The following AFAP1 variants were observed in gnomAD, a reference collection of about 807,000 sequenced individuals.
AFAP1 encodes actin filament-associated protein 1.
A neutral mutation model predicts 93.9 loss-of-function variants in AFAP1; 75 were observed. The observed-to-expected ratio is 0.80, with a 90% CI of 0.66 to 0.97. The LOEUF (loss-of-function observed/expected upper bound fraction) is 0.97. Among genes scored for constraint, AFAP1 ranks in the 50% least tolerant of loss-of-function variants. The pLI, the probability that AFAP1 is intolerant of heterozygous loss-of-function variation, is 0.00. For missense variants in AFAP1, 1,201 were observed against 1,050.8 expected (o/e 1.14, Z -1.98); for synonymous variants, 517 against 430.7 (o/e 1.20, Z -2.48).
chr4:7,781,564 CAT>C lies in AFAP1; in HGVS notation c.1592_1593del (p.Tyr531Ter). The C allele has an allele frequency of 6.4e-7, 1 of 1,551,898 alleles. No individual in the cohort carries two copies. The highest frequency in any genetic ancestry group is 8.7e-7 in the Non-Finnish European group (1 of 1,147,014). Reference sequence around the variant, plus strand: ...AAGTTATCGTACAGGCCTGCGTTATCATAAAGCACCTCTTCTCCCAAGCCTCT... The same window carrying C: ...AAGTTATCGTACAGGCCTGCGTTATCAAAGCACCTCTTCTCCCAAGCCTCT... ...CSRGLGEEVLYDNAGLYDNLP... is the reference protein window; with the variant it reads ...CSRGLGEEVLXDNAGLYDNLP... On this transcript the variant is annotated frameshift_variant, in exon 13 of 18. Transcript: ENST00000420658. LOFTEE classifies it high-confidence loss of function.
At chr4:7,806,530 C>G (rs1254061268) in intron 9 of AFAP1, among the ~76,000 whole-genome samples, 1 of 152,216 alleles carries the variant, frequency 6.6e-6, no homozygotes, top group African/African-American at 2.4e-5. Flanking sequence ...CAGCTCGGCC[C>G]TTCATCTCCC....
At position 7,939,348 on chromosome 4, in the gene AFAP1, C is replaced by T. The variant is rs1191947628; in HGVS notation, c.-3+308G>A. 1.2e-5 allele frequency: 4 copies of T among 324,030 alleles called. No homozygotes were observed. The highest frequency in any genetic ancestry group is 2.5e-5 in the Non-Finnish European group (4 of 162,550). The allele number at this position is 324,030 out of a possible 1,614,324, so 20.1% of individuals were successfully genotyped here. On this transcript the variant is annotated intron_variant, in intron 1 of 17. Coordinates refer to ENST00000420658, the MANE Select transcript of AFAP1 (RefSeq NM_001134647.2). The surrounding 1 kb of genome is among the most constrained non-coding windows in gnomAD (Gnocchi z 5.6). ...TCTTCGCAGGGCCCCCTCTGACGCA[C>T]ACGGGGACCAGCCACGCCGCGGGGG... is the stretch of plus-strand genomic sequence containing the variant.
intron 1 of AFAP1, among the ~76,000 whole-genome samples, chr4:7,893,557 G>T (rs1426732457): frequency 1.4e-5 from 2 of 141,550 alleles, no homozygotes; most frequent in Non-Finnish European, 3.0e-5. Flanking sequence ...CTTCAGCCTG[G>T]GCGACAGAGT....
intron 8 of AFAP1, among the ~76,000 whole-genome samples, chr4:7,814,452 C>G (rs529400422): frequency 6.6e-6 from 1 of 152,156 alleles, no homozygotes; most frequent in Non-Finnish European, 1.5e-5. Flanking sequence ...CATATGTCCA[C>G]GCAAAAACCT....
At chr4:7,782,430 T>C (rs1577200419) in intron 12 of AFAP1, among the ~76,000 whole-genome samples, 1 of 152,194 alleles carries the variant, frequency 6.6e-6, no homozygotes, top group Non-Finnish European at 1.5e-5. Context: ...AGCAAAACCG[T>C]CTGTGAAAAG....
At chr4:7,917,960 C>A (rs1577358223) in intron 1 of AFAP1, among the ~76,000 whole-genome samples, 1 of 152,338 alleles carries the variant, frequency 6.6e-6, no homozygotes, top group East Asian at 1.9e-4. Context: ...AGCAAAGGAC[C>A]ACGGGATAGA....
At chr4:7,861,149 G>A (rs1715631640) in intron 3 of AFAP1, among the ~76,000 whole-genome samples, 1 of 152,202 alleles carries the variant, frequency 6.6e-6, no homozygotes, top group South Asian at 2.1e-4. Context: ...TTTCTGGTAA[G>A]AGGGATTAAA....
intron 5 of AFAP1, chr4:7,842,821 G>A: frequency 3.6e-6 from 1 of 277,334 alleles, no homozygotes; most frequent in East Asian, 7.9e-5. Context: ...AATCCATCTT[G>A]CAACTCCTGG....
At chr4:7,833,109 C>G (rs1434848906) in intron 6 of AFAP1, among the ~76,000 whole-genome samples, 1 of 152,122 alleles carries the variant, frequency 6.6e-6, no homozygotes, top group Non-Finnish European at 1.5e-5. Context: ...ACTTCATGAC[C>G]AAGAACACAA....
intron 6 of AFAP1, among the ~76,000 whole-genome samples, chr4:7,819,654 G>C (rs544288005): frequency 2.0e-5 from 3 of 152,334 alleles, no homozygotes; most frequent in African/African-American, 7.2e-5. Flanking sequence ...CCCTGCGGTG[G>C]ATGTGAAGAG....
intron 1 of AFAP1, among the ~76,000 whole-genome samples, chr4:7,896,362 G>A (rs183965741): frequency 1.4e-4 from 22 of 151,994 alleles, no homozygotes; most frequent in African/African-American, 3.1e-4. Flanking sequence ...CCGACATGAC[G>A]AACCTCCTAA....
At chr4:7,920,041 T>C (rs1385884703) in intron 1 of AFAP1, among the ~76,000 whole-genome samples, 2 of 152,242 alleles carry the variant, frequency 1.3e-5, no homozygotes, top group Admixed American at 6.5e-5. Context: ...TAGTCTATCA[T>C]TGATGGGCGT....
At chr4:7,771,717 C>G (rs1473831236) in intron 16 of AFAP1, among the ~76,000 whole-genome samples, 2 of 152,182 alleles carry the variant, frequency 1.3e-5, no homozygotes, top group African/African-American at 4.8e-5. Flanking sequence ...TCTTGAACAC[C>G]TGAAAGAACC....
At position 7,896,768 on chromosome 4, in the gene AFAP1, C is replaced by T. The variant is rs1480810370; in HGVS notation, c.-2-24688G>A. Among the ~76,000 whole-genome samples, 4 of 118,160 alleles carry T rather than the reference C, an allele frequency of 3.4e-5. No homozygotes were observed. In the East Asian group the frequency reaches 1.1e-3, roughly 33 times the overall value. 77.5% of individuals were successfully genotyped at this position (118,160 alleles called of 152,430 possible). ...CACACCCAATGCTCAGTCCTCATTC[C>T]CCCCCACACCCAGGGCTCAGTCCTC... On this transcript the variant is annotated intron_variant, in intron 1 of 17. Transcript: ENST00000420658.
intron 1 of AFAP1, among the ~76,000 whole-genome samples, chr4:7,892,912 G>T (rs1048794783): frequency 2.6e-5 from 4 of 152,158 alleles, no homozygotes; most frequent in Non-Finnish European, 5.9e-5. Context: ...ATGGCAGAGG[G>T]CAGACGGAGA....
At chr4:7,922,415 T>C (rs186609937) in intron 1 of AFAP1, among the ~76,000 whole-genome samples, 88 of 152,282 alleles carry the variant, frequency 5.8e-4, no homozygotes, top group African/African-American at 2.0e-3. Context: ...AGTGAGTATT[T>C]CAAGTCTTGA....
At chr4:7,892,585 A>C (rs548132601) in intron 1 of AFAP1, among the ~76,000 whole-genome samples, 2 of 152,248 alleles carry the variant, frequency 1.3e-5, no homozygotes, top group Admixed American at 1.3e-4. Context: ...TTGCACTTGA[A>C]CTTGATTATA....
intron 17 of AFAP1, 99 bp from the exon 18 acceptor site, chr4:7,763,890 C>T (rs55817815): frequency 0.12 from 140,887 of 1,212,612 alleles, 11,800 homozygotes; most frequent in East Asian, 0.42. Context: ...GGTGGGTGCT[C>T]GGCTACTGCA....
At chr4:7,876,956 TC>T (rs1394158878) in intron 1 of AFAP1, among the ~76,000 whole-genome samples, 2 of 152,162 alleles carry the variant, frequency 1.3e-5, no homozygotes, top group African/African-American at 4.8e-5. Context: ...TTAATACTCA[TC>T]CCCTCTTTCT....
Sources: gnomAD v4.1 joint callset for allele counts (sites outside exome capture counted in the v4.1 genomes callset) on GRCh38, gnomAD v4.1.1 for gene constraint, Gnocchi (gnomAD v3.1) non-coding constraint, MANE v1.5 for transcripts, NCBI Gene and HGNC (gene_info 2026-07-23, HGNC 2026-07-21) for gene names.